NRG3: variants seen among roughly 807,000 people sequenced by gnomAD.
NRG3 encodes neuregulin 3, also known as pro-neuregulin-3, membrane-bound isoform.
NRG3 carries 31 observed loss-of-function variants against 66.9 expected under a neutral mutation model. That is an observed-to-expected ratio of 0.46 (90% CI 0.35 to 0.63). The LOEUF (loss-of-function observed/expected upper bound fraction) is 0.63, where lower values mean the gene tolerates loss of function less well. Ranked by LOEUF, NRG3 falls within the 20% of genes least tolerant of loss-of-function variation. The probability of loss-of-function intolerance (pLI) is 0.00; values close to 1 mark genes in which losing one functional copy is unlikely to be tolerated. For missense variants in NRG3, 910 were observed against 878.9 expected, an observed-to-expected ratio of 1.04 and a Z score of -0.45; for synonymous variants, 393 against 359.4, an observed-to-expected ratio of 1.09 and a Z score of -1.06.
chr10:82,346,193 C>T lies in NRG3; in HGVS notation c.824-12546C>T, dbSNP rs1387142985. Reference sequence around the variant, plus strand: ...TTTTGCCCATTCAGTATGATATTGGCTGTGGGTTTGTCATAGATAGCTCTT... The same window carrying T: ...TTTTGCCCATTCAGTATGATATTGGTTGTGGGTTTGTCATAGATAGCTCTT... On this transcript the variant is annotated intron_variant, in intron 1 of 8. Coordinates refer to ENST00000372141, the MANE Select transcript of NRG3 (RefSeq NM_001010848.4). 5.6e-3 allele frequency among the ~76,000 whole-genome samples: 839 copies of T among 148,498 alleles called. 2 individuals are homozygous for T. Among genetic ancestry groups the T allele is most frequent in the Middle Eastern group, 0.01 (3 of 292 alleles).
chr10:81,997,713 T>G (rs73308679), intron 1 of NRG3, among the ~76,000 whole-genome samples: 9,567 of 152,114 alleles, frequency 0.063, 357 homozygotes, highest in African/African-American at 0.098. Context: ...TGGACCATAA[T>G]CAATGTCAGA....
intron 3 of NRG3, among the ~76,000 whole-genome samples, chr10:82,832,542 T>C (rs759487090): frequency 1.3e-5 from 2 of 152,186 alleles, no homozygotes; most frequent in African/African-American, 4.8e-5. Flanking sequence ...CATGATTGAG[T>C]AACCACCATG....
chr10:82,965,032 G>A (rs889284398), intron 6 of NRG3, among the ~76,000 whole-genome samples: 1 of 152,192 alleles, frequency 6.6e-6, no homozygotes, highest in African/African-American at 2.4e-5. Flanking sequence ...GCATTAGCCG[G>A]CACTTTCAGG....
chr10:81,946,055 C>T (rs537366814), intron 1 of NRG3, among the ~76,000 whole-genome samples: 2 of 152,200 alleles, frequency 1.3e-5, no homozygotes, highest in South Asian at 2.1e-4. Flanking sequence ...CTTGCTTTGT[C>T]GTCCAGGCTG....
At chr10:82,200,138 G>A (rs2074712158) in intron 1 of NRG3, among the ~76,000 whole-genome samples, 1 of 152,064 alleles carries the variant, frequency 6.6e-6, no homozygotes, top group South Asian at 2.1e-4. Flanking sequence ...ATACAACAGT[G>A]AACAAAACAA....
intron 2 of NRG3, among the ~76,000 whole-genome samples, chr10:82,528,671 A>G (rs1478735854): frequency 6.6e-6 from 1 of 152,146 alleles, no homozygotes; most frequent in African/African-American, 2.4e-5. Flanking sequence ...TGTGGCCTTC[A>G]AACAGTGTTG....
chr10:82,713,536 C>T (rs967409618), intron 2 of NRG3, among the ~76,000 whole-genome samples: 1 of 152,114 alleles, frequency 6.6e-6, no homozygotes, highest in African/African-American at 2.4e-5. Flanking sequence ...TTCAAGGAAA[C>T]TGAGGGTTTC....
rs564356543 is a variant in NRG3 at position 82,263,484 on chromosome 10, T to C, written c.824-95255T>C. Among the ~76,000 whole-genome samples the C allele has an allele frequency of 2.3e-4, 35 of 152,354 alleles. No homozygotes were observed. The South Asian group carries it at 2.5e-3, about 11-fold the overall frequency. On this transcript the variant is annotated intron_variant, in intron 1 of 8. Transcript: ENST00000372141. ...TGGTTTTCTCTCTCAGTTATGCTCCTACCATTTATAAGCATTAATTTTGCT... is the reference window on the plus strand; with the variant it reads ...TGGTTTTCTCTCTCAGTTATGCTCCCACCATTTATAAGCATTAATTTTGCT...
chr10:82,557,719 A>G (rs940613011), intron 2 of NRG3, among the ~76,000 whole-genome samples: 1 of 152,136 alleles, frequency 6.6e-6, no homozygotes, highest in African/African-American at 2.4e-5. Context: ...ATAACAGTTA[A>G]CCCTGACATA....
chr10:82,876,962 GCA>G (rs1841875470), intron 4 of NRG3, among the ~76,000 whole-genome samples: 1 of 151,282 alleles, frequency 6.6e-6, no homozygotes, highest in Admixed American at 6.6e-5. Flanking sequence ...GGCAGAGGTT[GCA>G]TTGAGCCAAG....
At chr10:82,309,199 T>C (rs1279886256) in intron 1 of NRG3, among the ~76,000 whole-genome samples, 1 of 152,178 alleles carries the variant, frequency 6.6e-6, no homozygotes. Context: ...AGCACAGATG[T>C]ATTTAAGCCA....
chr10:82,229,058 G>T (rs1430781973), intron 1 of NRG3: 2 of 152,184 alleles, frequency 1.3e-5, no homozygotes, highest in Non-Finnish European at 2.9e-5. Flanking sequence ...ACACTTTAAT[G>T]CATTTCATGG....
intron 2 of NRG3, among the ~76,000 whole-genome samples, chr10:82,690,418 A>G (rs1165448116): frequency 1.3e-5 from 2 of 152,166 alleles, no homozygotes; most frequent in African/African-American, 4.8e-5. Flanking sequence ...TCAAATGGAG[A>G]AAGCCTCATT....
chr10:82,355,454 A>C (rs561272503), intron 1 of NRG3, among the ~76,000 whole-genome samples: 19 of 152,330 alleles, frequency 1.2e-4, no homozygotes, highest in Admixed American at 3.3e-4. Context: ...AAATAGATGT[A>C]TGAATACATA....
In NRG3 at chr10:82,743,289, G is replaced by T. The variant is rs115198531; in HGVS notation, c.1027+4639G>T. On this transcript the variant is annotated intron_variant, in intron 3 of 8. Transcript: ENST00000372141. ...TCATGTATTCATACGTGCTGACTTC[G>T]ATTCGCACTTTGTTTCTTTGCATCT... is the stretch of plus-strand genomic sequence containing the variant. 4.2e-3 allele frequency among the ~76,000 whole-genome samples: 640 copies of T among 152,154 alleles called. 9 individuals are homozygous for T. The highest frequency in any genetic ancestry group is 0.014 in the African/African-American group (586 of 41,514).
At chr10:81,891,017 A>C (rs1266110518) in intron 1 of NRG3, among the ~76,000 whole-genome samples, 3 of 152,192 alleles carry the variant, frequency 2.0e-5, no homozygotes, top group African/African-American at 4.8e-5. Context: ...AATTGCATAA[A>C]AATAAATCAC....
In NRG3 at chr10:82,987,026, C is replaced by A. The variant is rs1184569740; in HGVS notation, c.*1421C>A. The A allele has an allele frequency of 6.6e-6, 1 of 152,190 alleles. No individual in the cohort carries two copies. Among genetic ancestry groups the A allele is most frequent in the Non-Finnish European group, 1.5e-5 (1 of 68,034 alleles). The allele number at this position is 152,190 out of a possible 1,614,324, so 9.4% of individuals were successfully genotyped here. A position where few individuals can be genotyped will look rare whatever the true frequency, so the allele number is the denominator to read the frequency against. On this transcript the variant is annotated 3_prime_UTR_variant, in exon 9 of 9. Coordinates refer to ENST00000372141, the MANE Select transcript of NRG3 (RefSeq NM_001010848.4). ...TACCACTGCTAAGGTGAACTGAAAC[C>A]TCTCCTGAAGATTTGTCTGTTTATT...
chr10:82,972,506 C>A (rs1458107384), intron 6 of NRG3, among the ~76,000 whole-genome samples: 1 of 152,120 alleles, frequency 6.6e-6, no homozygotes, highest in East Asian at 1.9e-4. Context: ...TCGGTTAGAA[C>A]TATTTCTTTC....
intron 1 of NRG3, among the ~76,000 whole-genome samples, chr10:81,984,368 T>C (rs1461892416): frequency 6.6e-6 from 1 of 152,200 alleles, no homozygotes; most frequent in African/African-American, 2.4e-5. Flanking sequence ...CTGTTATTAA[T>C]TTATCCATCT....
Sources: allele counts gnomAD v4.1 joint callset (sites outside exome capture counted in the v4.1 genomes callset), GRCh38; gene constraint gnomAD v4.1.1; transcripts MANE v1.5; gene names NCBI Gene and HGNC (gene_info 2026-07-23, HGNC 2026-07-21).